The following PARN variants were observed in gnomAD, a reference collection of about 807,000 sequenced individuals.
PARN encodes the protein poly(A)-specific ribonuclease.
In PARN, 71 loss-of-function variants were observed where a neutral mutation model predicts 102.8. The observed-to-expected ratio is 0.69, with a 90% confidence interval of 0.57 to 0.84. The LOEUF (loss-of-function observed/expected upper bound fraction) is 0.84, where lower values mean the gene tolerates loss of function less well. PARN is among the 40% of genes least tolerant of loss of function. The pLI, the probability that PARN is intolerant of heterozygous loss-of-function variation, is 0.00. For synonymous variants in PARN, 261 were observed against 252.9 expected (o/e 1.03, Z -0.30); for missense variants, 782 against 760.9 (o/e 1.03, Z -0.33).
At chr16:14,458,804 A>C (rs906551488) in intron 22 of PARN, among the ~76,000 whole-genome samples, 5 of 152,174 alleles carry the variant, frequency 3.3e-5, no homozygotes, top group Admixed American at 3.3e-4. Context: ...CCAGGCCAGT[A>C]GGAGCTAGAT....
chr16:14,596,221 T>G (rs1970500930), intron 12 of PARN, among the ~76,000 whole-genome samples: 1 of 151,948 alleles, frequency 6.6e-6, no homozygotes, highest in Admixed American at 6.6e-5. Flanking sequence ...CCAGAGAAAC[T>G]ACAAGAATAC....
intron 21 of PARN, among the ~76,000 whole-genome samples, chr16:14,499,095 T>C (rs1231304564): frequency 1.3e-5 from 2 of 152,252 alleles, no homozygotes; most frequent in African/African-American, 4.8e-5. Context: ...CATCACTTCC[T>C]TGTGGATTTG....
intron 23 of PARN, among the ~76,000 whole-genome samples, chr16:14,443,816 G>A (rs1009632382): frequency 1.4e-4 from 22 of 152,066 alleles, no homozygotes; most frequent in African/African-American, 3.9e-4. Flanking sequence ...CCAGTGCTGG[G>A]CCCCCAAGCC....
At chr16:14,572,941 T>C (rs1279827583) in intron 18 of PARN, among the ~76,000 whole-genome samples, 3 of 151,848 alleles carry the variant, frequency 2.0e-5, no homozygotes, top group Admixed American at 1.3e-4. Context: ...AAAGCTGGAG[T>C]GCAGTGCTGC....
At chr16:14,606,159 C>A (rs1458339943) in intron 10 of PARN, among the ~76,000 whole-genome samples, 1 of 152,088 alleles carries the variant, frequency 6.6e-6, no homozygotes, top group East Asian at 1.9e-4. Context: ...CAGCACTCTG[C>A]GAGGCCGAGG....
Position 14,552,203 on chromosome 16 carries a change from G to A in PARN, c.1406-108C>T, listed in dbSNP as rs1360347640. ...AGTATAGTCTATCTTTAAAGAGAGAGAAGGTGCTTATTTAAAATGTGATCA... is the reference window on the plus strand; with the variant it reads ...AGTATAGTCTATCTTTAAAGAGAGAAAAGGTGCTTATTTAAAATGTGATCA... On this transcript the variant is annotated intron_variant, in intron 20 of 23. Transcript: ENST00000437198. 1.0e-5 allele frequency: 7 copies of A among 689,728 alleles called. No homozygotes were observed. The East Asian group carries it at 1.9e-4, about 18-fold the overall frequency. 42.7% of individuals were successfully genotyped at this position (689,728 alleles called of 1,614,324 possible).
chr16:14,550,374 A>G (rs1967218176), intron 21 of PARN, among the ~76,000 whole-genome samples: 1 of 152,206 alleles, frequency 6.6e-6, no homozygotes, highest in Non-Finnish European at 1.5e-5. Flanking sequence ...TCTGCTATTA[A>G]AGAACCACAG....
chr16:14,563,514 GTGTGTGTGTA>G (rs1193622216), intron 18 of PARN, among the ~76,000 whole-genome samples: 14 of 105,462 alleles, frequency 1.3e-4, no homozygotes, highest in South Asian at 5.7e-4. Flanking sequence ...GTGTGTGTGT[GTGTGTGTGTA>G]TATAATTCTT....
chr16:14,455,746 G>A (rs1270777417), intron 22 of PARN, among the ~76,000 whole-genome samples: 1 of 152,192 alleles, frequency 6.6e-6, no homozygotes, highest in African/African-American at 2.4e-5. Context: ...CTTGCAATAT[G>A]GTGACAGTGA....
intron 15 of PARN, 132 bp from the exon 16 acceptor site, chr16:14,584,554 A>C: frequency 1.2e-6 from 1 of 819,490 alleles, no homozygotes; most frequent in Non-Finnish European, 1.9e-6. Flanking sequence ...GAAACACAGA[A>C]GTCTTCGTTT....
chr16:14,619,968 G>A (rs1972190396), intron 5 of PARN, among the ~76,000 whole-genome samples: 1 of 150,840 alleles, frequency 6.6e-6, no homozygotes, highest in African/African-American at 2.4e-5. Context: ...TACTCAGCAG[G>A]CTGAGGCAGG....
Position 14,554,155 on chromosome 16 carries a change from C to A in PARN, c.1319-4G>T, listed in dbSNP as rs760900593. 1.9e-6 allele frequency: 3 copies of A among 1,600,250 alleles called. No individual in the cohort carries two copies. In the Admixed American group the frequency reaches 5.1e-5, roughly 27 times the overall value. On this transcript the variant is annotated splice_polypyrimidine_tract_variant and splice_region_variant and intron_variant, in intron 19 of 23. Coordinates refer to ENST00000437198, the MANE Select transcript of PARN (RefSeq NM_002582.4). Reference sequence around the variant, plus strand: ...ACATGATCACGTTTAGGCTGCACTACAAGACAAATTTATGATGAAATATTG... The same window carrying A: ...ACATGATCACGTTTAGGCTGCACTAAAAGACAAATTTATGATGAAATATTG...
intron 21 of PARN, among the ~76,000 whole-genome samples, chr16:14,543,514 T>C (rs575244788): frequency 6.6e-6 from 1 of 152,194 alleles, no homozygotes; most frequent in South Asian, 2.1e-4. Flanking sequence ...GTAATACATA[T>C]GCCCAATTAA....
At chr16:14,627,926 T>C (rs1263553907) in intron 3 of PARN, among the ~76,000 whole-genome samples, 1 of 152,186 alleles carries the variant, frequency 6.6e-6, no homozygotes, top group East Asian at 1.9e-4. Flanking sequence ...GGAGAATCAG[T>C]TGAGCCAGGA....
intron 21 of PARN, among the ~76,000 whole-genome samples, chr16:14,548,263 T>A (rs1336072376): frequency 6.7e-6 from 1 of 149,172 alleles, no homozygotes; most frequent in Non-Finnish European, 1.5e-5. Flanking sequence ...AAAAAAAAAA[T>A]TAATAGGATT....
chr16:14,449,463 C>T (rs939883818), intron 22 of PARN, among the ~76,000 whole-genome samples: 7 of 152,178 alleles, frequency 4.6e-5, no homozygotes, highest in Admixed American at 2.6e-4. Context: ...AAAAGGTTTT[C>T]TTGCCATGTC....
In PARN at chr16:14,589,582, A is replaced by G. The variant is rs182117741; in HGVS notation, c.919-3221T>C. On this transcript the variant is annotated intron_variant, in intron 13 of 23. Coordinates refer to ENST00000437198, the MANE Select transcript of PARN (RefSeq NM_002582.4). ...ACTCTCTCAAAAAAGAAAAAAAAAAATGGCCGGGCATAATGGCTCATGCCT... is the reference window on the plus strand; with the variant it reads ...ACTCTCTCAAAAAAGAAAAAAAAAAGTGGCCGGGCATAATGGCTCATGCCT... 4.9e-3 allele frequency among the ~76,000 whole-genome samples: 744 copies of G among 151,518 alleles called. 19 individuals carry two copies. Among genetic ancestry groups the G allele is most frequent in the Admixed American group, 0.045 (679 of 15,206 alleles).
At chr16:14,563,183 T>C (rs1414726155) in intron 18 of PARN, among the ~76,000 whole-genome samples, 1 of 152,206 alleles carries the variant, frequency 6.6e-6, no homozygotes, top group Non-Finnish European at 1.5e-5. Flanking sequence ...ACAGATTTGA[T>C]TCACAAAGGA....
chr16:14,612,661 G>T (rs369735473), intron 6 of PARN, among the ~76,000 whole-genome samples: 1 of 150,764 alleles, frequency 6.6e-6, no homozygotes, highest in African/African-American at 2.4e-5. Context: ...GCAATGGCAC[G>T]ATCTCGGCTC....
Sources: allele counts gnomAD v4.1 joint callset (sites outside exome capture counted in the v4.1 genomes callset), GRCh38; gene constraint gnomAD v4.1.1; transcripts MANE v1.5; gene names NCBI Gene and HGNC (gene_info 2026-07-23, HGNC 2026-07-21).